The following RASGEF1A variants were observed in gnomAD, a reference collection of about 807,000 sequenced individuals.
The protein encoded by RASGEF1A is RasGEF domain family member 1A, also known as ras-GEF domain-containing family member 1A.
A neutral mutation model predicts 56.4 loss-of-function variants in RASGEF1A; 18 were observed. The observed-to-expected ratio is 0.32, with a 90% CI of 0.22 to 0.47. RASGEF1A has a LOEUF of 0.47. RASGEF1A is among the 20% of genes least tolerant of loss of function. The pLI is 1.00. For missense variants in RASGEF1A, 422 were observed against 627.1 expected (o/e 0.67, Z 3.49); for synonymous variants, 245 against 242.6 (o/e 1.01, Z -0.09).
intron 9 of RASGEF1A, 92 bp downstream of exon 9, chr10:43,198,841 C>A (rs1839842808): frequency 1.7e-6 from 2 of 1,189,092 alleles, no homozygotes; most frequent in Non-Finnish European, 2.5e-6. Flanking sequence ...GAGAGGAGGG[C>A]AGCCCCCCAC....
chr10:43,249,351 T>G (rs1840601145), intron 1 of RASGEF1A, among the ~76,000 whole-genome samples: 2 of 152,198 alleles, frequency 1.3e-5, no homozygotes, highest in African/African-American at 4.8e-5. Flanking sequence ...GGCCATCCAC[T>G]CTCCAATGCA....
intron 1 of RASGEF1A, among the ~76,000 whole-genome samples, chr10:43,251,185 A>G (rs1483461901): frequency 2.0e-5 from 3 of 152,186 alleles, no homozygotes; most frequent in Non-Finnish European, 4.4e-5. Flanking sequence ...TCTGCAACCC[A>G]ACCTCTGAGA....
intron 1 of RASGEF1A, among the ~76,000 whole-genome samples, chr10:43,263,691 CGGGCAGTGCCCAG>C (rs1408136130): frequency 6.6e-6 from 1 of 152,152 alleles, no homozygotes; most frequent in Non-Finnish European, 1.5e-5. Flanking sequence ...TACCCCAGCC[CGGGCAGTGCCCAG>C]GGCAGGGCGG....
intron 1 of RASGEF1A, among the ~76,000 whole-genome samples, chr10:43,211,081 T>C (rs568203706): frequency 2.6e-4 from 40 of 152,152 alleles, no homozygotes; most frequent in Non-Finnish European, 4.9e-4. Context: ...CTCCTAATTA[T>C]AGAGCTAATC....
intron 1 of RASGEF1A, among the ~76,000 whole-genome samples, chr10:43,263,129 G>C (rs1327432578): frequency 6.6e-6 from 1 of 152,170 alleles, no homozygotes; most frequent in Non-Finnish European, 1.5e-5. Context: ...AACCGGATCA[G>C]CACGGAGGAG....
chr10:43,229,598 T>C, intron 1 of RASGEF1A: 2 of 1,459,534 alleles, frequency 1.4e-6, no homozygotes, highest in Middle Eastern at 4.1e-4. Flanking sequence ...GCAAGAACCC[T>C]GCCCCGCGGC....
rs76285168 is a variant in RASGEF1A at position 43,230,274 on chromosome 10, C to T, written c.-6-24152G>A. Among the ~76,000 whole-genome samples the T allele has an allele frequency of 2.3e-3, 347 of 152,338 alleles. 2 individuals carry two copies. The highest frequency in any genetic ancestry group is 8.2e-3 in the African/African-American group (339 of 41,592). ...CAGGCGTCGCACAGAACTCCCTGTC[C>T]TTCCATTTCATTGGAACTCGGGGGA... On this transcript the variant is annotated intron_variant, in intron 1 of 12. Transcript: ENST00000395810.
At chr10:43,241,420 G>A (rs1004736567) in intron 1 of RASGEF1A, among the ~76,000 whole-genome samples, 6 of 152,140 alleles carry the variant, frequency 3.9e-5, no homozygotes, top group Admixed American at 2.6e-4. Flanking sequence ...AACTACAGAG[G>A]AGCAAAGTTT....
intron 1 of RASGEF1A, among the ~76,000 whole-genome samples, chr10:43,265,055 C>G (rs1317974423): frequency 1.3e-5 from 2 of 152,210 alleles, no homozygotes; most frequent in Non-Finnish European, 2.9e-5. Context: ...TCCTCCCTGG[C>G]TGGCCCCTCC....
At chr10:43,211,226 G>C (rs1329195983) in intron 1 of RASGEF1A, among the ~76,000 whole-genome samples, 1 of 152,202 alleles carries the variant, frequency 6.6e-6, no homozygotes, top group Admixed American at 6.5e-5. Flanking sequence ...CCAGCCTGCT[G>C]GTGAGAGGGG....
intron 1 of RASGEF1A, among the ~76,000 whole-genome samples, chr10:43,214,125 C>T (rs954909527): frequency 2.6e-5 from 4 of 152,200 alleles, no homozygotes; most frequent in Non-Finnish European, 5.9e-5. Flanking sequence ...ACTCTGAGAC[C>T]TTGCACCCTG....
At chr10:43,248,462 G>T (rs1840591600) in intron 1 of RASGEF1A, among the ~76,000 whole-genome samples, 1 of 151,686 alleles carries the variant, frequency 6.6e-6, no homozygotes, top group Non-Finnish European at 1.5e-5. Flanking sequence ...CTTTAAAAGG[G>T]TAAAATTTAA....
chr10:43,214,764 A>G (rs1840111602), intron 1 of RASGEF1A, among the ~76,000 whole-genome samples: 1 of 152,188 alleles, frequency 6.6e-6, no homozygotes, highest in Non-Finnish European at 1.5e-5. Context: ...GCAGGGATTA[A>G]CCTTCACTTG....
At chr10:43,252,699 C>T in intron 1 of RASGEF1A, among the ~76,000 whole-genome samples, 1 of 152,108 alleles carries the variant, frequency 6.6e-6, no homozygotes, top group East Asian at 1.9e-4. Context: ...TTAGCACAGA[C>T]AGAGGACCCG....
At chr10:43,203,930 G>A (rs1839954806) in intron 2 of RASGEF1A, 2 of 230,808 alleles carry the variant, frequency 8.7e-6, no homozygotes, top group Non-Finnish European at 1.4e-5. Flanking sequence ...CCCATCAGCA[G>A]GGGCGGGGCC....
chr10:43,204,171 T>C (rs1588930045), intron 2 of RASGEF1A, among the ~76,000 whole-genome samples: 1 of 152,138 alleles, frequency 6.6e-6, no homozygotes, highest in Admixed American at 6.5e-5. Flanking sequence ...GACTTGCAGG[T>C]TGAGGAGACT....
intron 10 of RASGEF1A, among the ~76,000 whole-genome samples, chr10:43,197,385 T>G (rs1257540437): frequency 6.6e-6 from 1 of 152,224 alleles, no homozygotes; most frequent in Non-Finnish European, 1.5e-5. Context: ...AAGGCCCCAC[T>G]GATAACTCCA....
intron 2 of RASGEF1A, chr10:43,203,720 AC>A: frequency 8.9e-7 from 1 of 1,119,560 alleles, no homozygotes. Context: ...CATAGGGCTA[AC>A]CCCAGCCTGG....
intron 2 of RASGEF1A, among the ~76,000 whole-genome samples, chr10:43,205,425 G>A (rs1310634485): frequency 2.0e-5 from 3 of 152,154 alleles, no homozygotes. Flanking sequence ...AGCCTGAACA[G>A]TGCTCTGCTG....
Sources: gnomAD v4.1 joint callset for allele counts (sites outside exome capture counted in the v4.1 genomes callset) on GRCh38, gnomAD v4.1.1 for gene constraint, MANE v1.5 for transcripts, NCBI Gene and HGNC (gene_info 2026-07-23, HGNC 2026-07-21) for gene names.